Variants in NBEA observed in about 807,000 individuals in gnomAD.
The protein encoded by NBEA is lysosomal-trafficking regulator 2.
A neutral mutation model predicts 343.4 loss-of-function variants in NBEA; 44 were observed. The ratio of observed to expected loss-of-function variants is 0.13; its 90% CI spans 0.10 to 0.16. NBEA has a LOEUF of 0.16. Ranked by LOEUF, NBEA falls within the 10% of genes least tolerant of loss-of-function variation. The pLI, the probability that NBEA is intolerant of heterozygous loss-of-function variation, is 1.00. For synonymous variants in NBEA, 1,175 were observed against 1,238.7 expected, an observed-to-expected ratio of 0.95 and a Z score of 1.08; for missense variants, 2,555 against 3,631.3, an observed-to-expected ratio of 0.70 and a Z score of 7.62.
intron 38 of NBEA, among the ~76,000 whole-genome samples, chr13:35,377,646 C>A (rs2041815249): frequency 6.6e-6 from 1 of 152,140 alleles, no homozygotes; most frequent in South Asian, 2.1e-4. Context: ...ACCTATCTAT[C>A]CCTGATATTT....
At chr13:35,038,405 T>C (rs1197653704) in intron 1 of NBEA, among the ~76,000 whole-genome samples, 1 of 152,094 alleles carries the variant, frequency 6.6e-6, no homozygotes, top group Non-Finnish European at 1.5e-5. Context: ...AAGTCCCCTT[T>C]ACTCTTCTGT....
At chr13:35,410,682 T>C (rs2043529406) in intron 38 of NBEA, among the ~76,000 whole-genome samples, 1 of 152,168 alleles carries the variant, frequency 6.6e-6, no homozygotes, top group East Asian at 1.9e-4. Flanking sequence ...GGTCTTGGAA[T>C]TTAACATGTC....
At chr13:35,564,652 CTTGTT>C (rs1244731964) in intron 44 of NBEA, among the ~76,000 whole-genome samples, 3 of 152,120 alleles carry the variant, frequency 2.0e-5, no homozygotes, top group Non-Finnish European at 4.4e-5. Flanking sequence ...GCTCCGAACT[CTTGTT>C]TAATCTCATC....
intron 17 of NBEA, among the ~76,000 whole-genome samples, chr13:35,127,647 A>G (rs1017067051): frequency 2.0e-5 from 3 of 152,178 alleles, no homozygotes; most frequent in African/African-American, 7.2e-5. Flanking sequence ...TGTAGATGAA[A>G]GGAAAAAATT....
chr13:35,488,291 C>T (rs2076375827), intron 41 of NBEA, among the ~76,000 whole-genome samples: 1 of 151,876 alleles, frequency 6.6e-6, no homozygotes, highest in African/African-American at 2.4e-5. Context: ...AGCTAATCCA[C>T]TTAATAAGAC....
chr13:35,562,224 T>C (rs1164321417), intron 44 of NBEA, among the ~76,000 whole-genome samples: 4 of 152,090 alleles, frequency 2.6e-5, no homozygotes. Context: ...TCAAAGAACA[T>C]TAAATTTTAG....
At chr13:34,986,761 G>C (rs750814997) in intron 1 of NBEA, among the ~76,000 whole-genome samples, 1 of 150,904 alleles carries the variant, frequency 6.6e-6, no homozygotes, top group Non-Finnish European at 1.5e-5. Flanking sequence ...AGCTCTTCTT[G>C]TTGAATTGAT....
chr13:35,080,720 A>G (rs1309342098), intron 10 of NBEA, among the ~76,000 whole-genome samples: 1 of 152,192 alleles, frequency 6.6e-6, no homozygotes, highest in Non-Finnish European at 1.5e-5. Context: ...TTAGAAACAT[A>G]AGGAGTTCTA....
At chr13:35,458,744 C>G (rs1286630506) in intron 40 of NBEA, among the ~76,000 whole-genome samples, 1 of 152,140 alleles carries the variant, frequency 6.6e-6, no homozygotes, top group Non-Finnish European at 1.5e-5. Flanking sequence ...ATTTCCACTT[C>G]TGGTAAACGT....
rs1158865546 is a variant in NBEA at position 35,110,056 on chromosome 13, G to GT, written c.1833+626dup. On this transcript the variant is annotated intron_variant, in intron 12 of 58. Coordinates refer to ENST00000379939, the MANE Select transcript of NBEA (RefSeq NM_001385012.1). The stretch of plus-strand genomic sequence containing the variant: ...CTCTTTTTTTTTTTTTTTTTTAAAT[G>GT]TTTTTTTTTTTTATTATACTCTAAG... Among the ~76,000 whole-genome samples, 491 of 78,248 alleles carry GT rather than the reference G, an allele frequency of 6.3e-3. 4 individuals are homozygous for GT. Among genetic ancestry groups the GT allele is most frequent in the Middle Eastern group, 0.018 (2 of 112 alleles). The allele number at this position is 78,248 out of a possible 152,430, so 51.3% of individuals were successfully genotyped here.
chr13:35,034,581 G>T (rs952244706), intron 1 of NBEA, among the ~76,000 whole-genome samples: 8 of 151,634 alleles, frequency 5.3e-5, no homozygotes, highest in Non-Finnish European at 1.0e-4. Context: ...TTGGAAGTAT[G>T]CCCTTCTCCT....
chr13:35,101,265 G>T (rs1027185322), intron 11 of NBEA, among the ~76,000 whole-genome samples: 1 of 151,840 alleles, frequency 6.6e-6, no homozygotes, highest in African/African-American at 2.4e-5. Context: ...AACTATTGAT[G>T]TTTTTCAAAG....
chr13:35,282,129 AG>A (rs2035096351), intron 34 of NBEA, among the ~76,000 whole-genome samples: 1 of 151,798 alleles, frequency 6.6e-6, no homozygotes, highest in Admixed American at 6.6e-5. Context: ...CGTGTTAGCC[AG>A]GATGATATCC....
Position 35,010,740 on chromosome 13 carries a change from AAATATATATATATATATATATAT to A in NBEA, c.295-30191_295-30169del, listed in dbSNP as rs2061462530. On this transcript the variant is annotated intron_variant, in intron 1 of 58. Coordinates refer to ENST00000379939, the MANE Select transcript of NBEA (RefSeq NM_001385012.1). Reference sequence around the variant, plus strand: ...CTGGGTCTCTACAAAAAAAAAAAAAAAATATATATATATATATATATATATATATATATATATATAAGCTGGGT... The same window carrying A: ...CTGGGTCTCTACAAAAAAAAAAAAAAATATATATATATATATAAGCTGGGT... 5.9e-5 allele frequency among the ~76,000 whole-genome samples: 2 copies of A among 33,630 alleles called. 1 individual carries two copies. The highest frequency in any genetic ancestry group is 1.9e-4 in the African/African-American group (2 of 10,752). 22.1% of individuals were successfully genotyped at this position (33,630 alleles called of 152,430 possible).
At chr13:35,098,670 T>C (rs2065462003) in intron 11 of NBEA, among the ~76,000 whole-genome samples, 1 of 152,200 alleles carries the variant, frequency 6.6e-6, no homozygotes, top group African/African-American at 2.4e-5. Context: ...CTCTTAAGTT[T>C]TCTAAGTAGT....
At chr13:35,007,062 C>T (rs997578348) in intron 1 of NBEA, among the ~76,000 whole-genome samples, 1 of 129,880 alleles carries the variant, frequency 7.7e-6, no homozygotes, top group African/African-American at 2.9e-5. Context: ...AGCACTTTTC[C>T]TCTGATGTGT....
chr13:35,406,305 T>A (rs201437734), intron 38 of NBEA, among the ~76,000 whole-genome samples: 18,692 of 151,698 alleles, frequency 0.12, 1,304 homozygotes, highest in African/African-American at 0.18. Context: ...ATCTTTTTTT[T>A]TTTTTTCATT....
chr13:35,023,166 A>G (rs548985733), intron 1 of NBEA, among the ~76,000 whole-genome samples: 30 of 152,252 alleles, frequency 2.0e-4, no homozygotes, highest in African/African-American at 7.0e-4. Flanking sequence ...AACCAAGGCT[A>G]AAAGGATAAT....
chr13:35,279,254 A>G (rs1185184716), intron 34 of NBEA, among the ~76,000 whole-genome samples: 2 of 152,230 alleles, frequency 1.3e-5, no homozygotes, highest in Non-Finnish European at 2.9e-5. Context: ...ATGATATGAA[A>G]TGTATTGCTG....
Sources: gnomAD v4.1 joint callset for allele counts (sites outside exome capture counted in the v4.1 genomes callset) on GRCh38, gnomAD v4.1.1 for gene constraint, MANE v1.5 for transcripts, NCBI Gene and HGNC (gene_info 2026-07-23, HGNC 2026-07-21) for gene names.